PLXDC2: variants seen among roughly 807,000 people sequenced by gnomAD.
The protein encoded by PLXDC2 is plexin domain-containing protein 2.
PLXDC2 carries 40 observed loss-of-function variants against 68.9 expected under a neutral mutation model. The observed-to-expected ratio is 0.58, with a 90% CI of 0.45 to 0.76. The LOEUF is 0.76. Among genes scored for constraint, PLXDC2 ranks in the 30% least tolerant of loss-of-function variants. The pLI is 0.00. For synonymous variants in PLXDC2, 243 were observed against 234.2 expected (o/e 1.04, Z -0.34); for missense variants, 644 against 661.9 (o/e 0.97, Z 0.30).
intron 4 of PLXDC2, among the ~76,000 whole-genome samples, chr10:20,082,070 A>AAAAAAAAAAAAAAAAAAAAAAAAAAAC (rs1554765383): frequency 1.6e-5 from 2 of 121,932 alleles, no homozygotes; most frequent in Non-Finnish European, 3.5e-5. Flanking sequence ...AAATCAAAAA[A>AAAAAAAAAAAAAAAAAAAAAAAAAAAC]AAAAAACAGG....
intron 1 of PLXDC2, among the ~76,000 whole-genome samples, chr10:19,863,186 A>G (rs1445545366): frequency 1.3e-5 from 2 of 152,020 alleles, no homozygotes; most frequent in South Asian, 2.1e-4. Context: ...ATATTGTGCT[A>G]TTATGTTTTG....
At chr10:19,821,480 A>T (rs1836465139) in intron 1 of PLXDC2, among the ~76,000 whole-genome samples, 1 of 152,046 alleles carries the variant, frequency 6.6e-6, no homozygotes, top group South Asian at 2.1e-4. Flanking sequence ...TTTTCTTTCC[A>T]TTTCTACCTC....
At chr10:20,077,891 G>A (rs1271102543) in intron 4 of PLXDC2, among the ~76,000 whole-genome samples, 2 of 152,040 alleles carry the variant, frequency 1.3e-5, no homozygotes, top group Admixed American at 1.3e-4. Flanking sequence ...ATTAAGCTCT[G>A]AAAAAACATT....
intron 1 of PLXDC2, among the ~76,000 whole-genome samples, chr10:19,918,789 T>C (rs1043819332): frequency 2.0e-5 from 3 of 152,244 alleles, no homozygotes; most frequent in African/African-American, 4.8e-5. Context: ...AAATAAACTT[T>C]CTTAAAAGGA....
At chr10:20,212,545 G>A (rs1024193987) in intron 10 of PLXDC2, among the ~76,000 whole-genome samples, 1 of 151,958 alleles carries the variant, frequency 6.6e-6, no homozygotes, top group Non-Finnish European at 1.5e-5. Context: ...ATTAAGTTTT[G>A]GGGTATCAAT....
At chr10:19,959,391 A>G (rs966671333) in intron 1 of PLXDC2, among the ~76,000 whole-genome samples, 8 of 152,212 alleles carry the variant, frequency 5.3e-5, no homozygotes, top group Admixed American at 2.6e-4. Flanking sequence ...CCTTTTGATA[A>G]AAAGCTACTA....
chr10:19,947,457 A>G (rs1403930378), intron 1 of PLXDC2, among the ~76,000 whole-genome samples: 5 of 152,156 alleles, frequency 3.3e-5, no homozygotes, highest in African/African-American at 1.2e-4. Context: ...ATTTTCTAGG[A>G]CTTGGATTCC....
chr10:20,174,596 G>A (rs938972150), intron 7 of PLXDC2, among the ~76,000 whole-genome samples: 2 of 151,748 alleles, frequency 1.3e-5, no homozygotes, highest in Admixed American at 1.3e-4. Context: ...AATTAGAAGT[G>A]GAAAAAAAGA....
At chr10:20,078,579 T>C (rs960513267) in intron 4 of PLXDC2, among the ~76,000 whole-genome samples, 24 of 152,222 alleles carry the variant, frequency 1.6e-4, no homozygotes, top group African/African-American at 5.3e-4. Context: ...TGTATTGTGA[T>C]GGTAATTTTT....
At chr10:19,965,173 A>G (rs1411442744) in intron 1 of PLXDC2, among the ~76,000 whole-genome samples, 7 of 152,190 alleles carry the variant, frequency 4.6e-5, no homozygotes, top group Non-Finnish European at 5.9e-5. Context: ...GGGTGCTATT[A>G]AACTAGATGA....
chr10:19,927,610 G>A, intron 1 of PLXDC2, among the ~76,000 whole-genome samples: 1 of 150,052 alleles, frequency 6.7e-6, no homozygotes, highest in East Asian at 2.0e-4. Context: ...GCTGAGGCAG[G>A]AGAATCGCTT....
chr10:20,140,080 C>G (rs1438166555), intron 4 of PLXDC2, among the ~76,000 whole-genome samples: 2 of 152,030 alleles, frequency 1.3e-5, no homozygotes, highest in Non-Finnish European at 2.9e-5. Flanking sequence ...GCAGACAGAT[C>G]ACGAGGTCAG....
At chr10:20,052,412 A>C (rs1023120829) in intron 3 of PLXDC2, among the ~76,000 whole-genome samples, 3 of 151,918 alleles carry the variant, frequency 2.0e-5, no homozygotes, top group Admixed American at 1.3e-4. Flanking sequence ...CAAAATTTTA[A>C]TATTAAGGTA....
At chr10:20,004,652 A>G (rs1834997382) in intron 2 of PLXDC2, among the ~76,000 whole-genome samples, 2 of 152,214 alleles carry the variant, frequency 1.3e-5, no homozygotes, top group South Asian at 2.1e-4. Flanking sequence ...TCGAAAAAGG[A>G]AAGAGGAGAA....
At chr10:19,925,299 C>A (rs1833522495) in intron 1 of PLXDC2, among the ~76,000 whole-genome samples, 1 of 152,176 alleles carries the variant, frequency 6.6e-6, no homozygotes, top group Non-Finnish European at 1.5e-5. Flanking sequence ...AGCAGCCAAG[C>A]AATTCTGCTG....
chr10:19,877,771 G>T (rs1293948287), intron 1 of PLXDC2, among the ~76,000 whole-genome samples: 3 of 152,204 alleles, frequency 2.0e-5, no homozygotes, highest in Non-Finnish European at 2.9e-5. Context: ...ACTATTCGGG[G>T]CCTTTTTATA....
intron 13 of PLXDC2, among the ~76,000 whole-genome samples, chr10:20,254,590 T>A (rs1835718874): frequency 6.6e-6 from 1 of 152,242 alleles, no homozygotes; most frequent in Non-Finnish European, 1.5e-5. Flanking sequence ...TTATTTATAT[T>A]TCTTAGCCGA....
intron 13 of PLXDC2, among the ~76,000 whole-genome samples, chr10:20,269,099 C>G (rs900160950): frequency 6.6e-6 from 1 of 152,200 alleles, no homozygotes; most frequent in Non-Finnish European, 1.5e-5. Context: ...GCTAGAGTCT[C>G]TTACATTTAC....
chr10:20,112,734 C>T (rs926575978), intron 4 of PLXDC2, among the ~76,000 whole-genome samples: 11 of 152,064 alleles, frequency 7.2e-5, no homozygotes, highest in African/African-American at 1.7e-4. Context: ...TTAGTTTATT[C>T]GAAAGATAAG....
Sources: gnomAD v4.1 joint callset for allele counts (sites outside exome capture counted in the v4.1 genomes callset) on GRCh38, gnomAD v4.1.1 for gene constraint, MANE v1.5 for transcripts, NCBI Gene and HGNC (gene_info 2026-07-23, HGNC 2026-07-21) for gene names.